Variants in UBE2D3 observed in about 807,000 individuals in gnomAD.
The protein encoded by UBE2D3 is ubiquitin conjugating enzyme E2 D3, also known as ubiquitin-conjugating enzyme E2 D3.
Under a neutral mutation model 22.8 loss-of-function variants are expected in UBE2D3, and 2 were observed. The ratio of observed to expected loss-of-function variants is 0.09; its 90% CI spans 0.04 to 0.28. The LOEUF (loss-of-function observed/expected upper bound fraction) is 0.28. UBE2D3 is among the 10% of genes least tolerant of loss of function. The pLI, the probability that UBE2D3 is intolerant of heterozygous loss-of-function variation, is 1.00. For missense variants in UBE2D3, 27 were observed against 182.5 expected (o/e 0.15, Z 4.91); for synonymous variants, 56 against 60.4 (o/e 0.93, Z 0.34).
intron 2 of UBE2D3, among the ~76,000 whole-genome samples, chr4:102,817,757 CCAG>C (rs1296188654): frequency 6.6e-6 from 1 of 152,110 alleles, no homozygotes; most frequent in Non-Finnish European, 1.5e-5. Flanking sequence ...TAGTGTGAAT[CCAG>C]TACTATTTTT....
chr4:102,834,995 A>G (rs982882160), intron 1 of UBE2D3, among the ~76,000 whole-genome samples: 1 of 151,930 alleles, frequency 6.6e-6, no homozygotes, highest in Admixed American at 6.5e-5. Context: ...TCCATCTCCA[A>G]TCCCCACTCT....
At chr4:102,841,270 C>T (rs1019082517) in intron 1 of UBE2D3, among the ~76,000 whole-genome samples, 2 of 151,836 alleles carry the variant, frequency 1.3e-5, no homozygotes, top group African/African-American at 4.8e-5. Context: ...TGAAAAATAC[C>T]TAAGAATATA....
At chr4:102,846,642 A>G (rs1732053921) in intron 1 of UBE2D3, among the ~76,000 whole-genome samples, 1 of 151,844 alleles carries the variant, frequency 6.6e-6, no homozygotes, top group Non-Finnish European at 1.5e-5. Flanking sequence ...TAAATTCTTT[A>G]TTTTATTATT....
intron 7 of UBE2D3, 136 bp from the exon 8 acceptor site, chr4:102,797,596 C>G (rs1347345784): frequency 3.6e-6 from 2 of 555,670 alleles, no homozygotes; most frequent in East Asian, 6.7e-5. Context: ...AGAATAAAAG[C>G]CAACAAGGGA....
At chr4:102,825,577 C>T in intron 2 of UBE2D3, 3 of 1,201,034 alleles carry the variant, frequency 2.5e-6, no homozygotes, top group Non-Finnish European at 3.2e-6. Context: ...TGAGACTAAA[C>T]CACCGGAGGT....
At chr4:102,815,204 C>T (rs962256070) in intron 2 of UBE2D3, among the ~76,000 whole-genome samples, 2 of 151,918 alleles carry the variant, frequency 1.3e-5, no homozygotes, top group East Asian at 1.9e-4. Context: ...CCACCACACC[C>T]GGCTAATTTT....
intron 1 of UBE2D3, among the ~76,000 whole-genome samples, chr4:102,863,867 A>C (rs1276141213): frequency 6.6e-6 from 1 of 152,210 alleles, no homozygotes; most frequent in Non-Finnish European, 1.5e-5. Context: ...AGAAATCTGC[A>C]TGGGGTTCCT....
At chr4:102,798,501 A>C (rs1364524528) in intron 7 of UBE2D3, among the ~76,000 whole-genome samples, 1 of 151,626 alleles carries the variant, frequency 6.6e-6, no homozygotes, top group Non-Finnish European at 1.5e-5. Context: ...AGTACAGCTG[A>C]CGCTAATGCA....
chr4:102,798,308 AT>A (rs1174816502), intron 7 of UBE2D3, among the ~76,000 whole-genome samples: 1 of 148,360 alleles, frequency 6.7e-6, no homozygotes, highest in African/African-American at 2.5e-5. Context: ...GCACAGGAGA[AT>A]TTTTATATTG....
intron 4 of UBE2D3, among the ~76,000 whole-genome samples, chr4:102,808,838 G>C (rs1484579852): frequency 1.3e-5 from 2 of 151,890 alleles, no homozygotes; most frequent in Admixed American, 1.3e-4. Flanking sequence ...TTGTTGATTC[G>C]ACTCATCTAC....
chr4:102,802,494 A>G (rs778874250), intron 5 of UBE2D3, 67 bp downstream of exon 5: 1 of 1,339,238 alleles, frequency 7.5e-7, no homozygotes. Context: ...CTATCTTCCA[A>G]GAATGCTCTA....
chr4:102,821,357 GACAA>G (rs1395261582), intron 2 of UBE2D3, among the ~76,000 whole-genome samples: 3 of 151,926 alleles, frequency 2.0e-5, no homozygotes, highest in Non-Finnish European at 4.4e-5. Flanking sequence ...ATTACAAAGT[GACAA>G]ACAACTATTC....
chr4:102,861,422 C>G (rs1043472358), intron 1 of UBE2D3, among the ~76,000 whole-genome samples: 2 of 151,922 alleles, frequency 1.3e-5, no homozygotes, highest in African/African-American at 4.8e-5. Flanking sequence ...TTATTTCACA[C>G]AGAATGCTAT....
At chr4:102,814,056 T>A (rs547443638) in intron 2 of UBE2D3, among the ~76,000 whole-genome samples, 1 of 152,328 alleles carries the variant, frequency 6.6e-6, no homozygotes, top group South Asian at 2.1e-4. Flanking sequence ...TGCTTGTCTG[T>A]ATAGATATAC....
Position 102,809,836 on chromosome 4 carries a change from C to T in UBE2D3, c.44G>A (p.Arg15His), listed in dbSNP as rs563106506. 1.2e-6 allele frequency: 2 copies of T among 1,613,704 alleles called. No homozygotes were observed. Among genetic ancestry groups the T allele is most frequent in the African/African-American group, 1.3e-5 (1 of 74,976 alleles). Reference protein sequence around the residue: ...RINKELSDLARDPPAQCSAGP... With the variant: ...RINKELSDLAHDPPAQCSAGP... ...TGCAGAACATTGTGCTGGAGGGTCA[C>T]GGGCCAAATCACTAAGTTCCTACAC... The change falls in exon 3 of 8, where the codon CGT (arginine) becomes CAT (histidine). Residue 15 changes from arginine (R) to histidine (H), a missense_variant. Transcript: ENST00000453744.
At chr4:102,810,097 A>T in intron 2 of UBE2D3, 1 of 445,016 alleles carries the variant, frequency 2.2e-6, no homozygotes, top group Non-Finnish European at 4.1e-6. Context: ...TTATTTACAT[A>T]AAAGCCAATC....
intron 1 of UBE2D3, among the ~76,000 whole-genome samples, chr4:102,842,885 G>T (rs924901343): frequency 2.7e-5 from 3 of 111,196 alleles, no homozygotes; most frequent in Non-Finnish European, 5.6e-5. Context: ...TGAGGTGGGT[G>T]GATCACCTGA....
chr4:102,868,666 G>A, intron 1 of UBE2D3: 1 of 1,613,740 alleles, frequency 6.2e-7, no homozygotes, highest in Non-Finnish European at 8.5e-7. Flanking sequence ...AAACTGTAGG[G>A]GAAGAGGCGG....
At chr4:102,801,334 CTT>C in intron 6 of UBE2D3, 118 bp downstream of exon 6, 1 of 767,614 alleles carries the variant, frequency 1.3e-6, no homozygotes, top group Non-Finnish European at 2.0e-6. Flanking sequence ...ATAAAAGTAA[CTT>C]TATTGCTTCC....
Sources: gnomAD v4.1 joint callset for allele counts (sites outside exome capture counted in the v4.1 genomes callset) on GRCh38, gnomAD v4.1.1 for gene constraint, MANE v1.5 for transcripts, NCBI Gene and HGNC (gene_info 2026-07-23, HGNC 2026-07-21) for gene names.